The following MTHFD1L variants were observed in gnomAD, a reference collection of about 807,000 sequenced individuals.
MTHFD1L encodes monofunctional C1-tetrahydrofolate synthase, mitochondrial.
Under a neutral mutation model 119.5 loss-of-function variants are expected in MTHFD1L, and 81 were observed. The observed-to-expected ratio is 0.68, with a 90% CI of 0.57 to 0.82. The LOEUF (loss-of-function observed/expected upper bound fraction) is 0.82. Among genes scored for constraint, MTHFD1L ranks in the 40% least tolerant of loss-of-function variants. The probability of loss-of-function intolerance (pLI) is 0.00; values close to 1 mark genes in which losing one functional copy is unlikely to be tolerated. For synonymous variants in MTHFD1L, 430 were observed against 475.2 expected (o/e 0.90, Z 1.24); for missense variants, 1,125 against 1,253.4 (o/e 0.90, Z 1.55).
intron 9 of MTHFD1L, among the ~76,000 whole-genome samples, chr6:150,919,832 T>C (rs1583557852): frequency 6.6e-6 from 1 of 152,310 alleles, no homozygotes; most frequent in Non-Finnish European, 1.5e-5. Context: ...CATTTCAAGA[T>C]GGGATTTGGG....
At chr6:151,006,772 C>T (rs947271002) in intron 20 of MTHFD1L, among the ~76,000 whole-genome samples, 19 of 151,964 alleles carry the variant, frequency 1.3e-4, no homozygotes, top group Admixed American at 1.2e-3. Context: ...ACACATGGTC[C>T]GTATCATCAT....
In MTHFD1L at chr6:150,984,281, C is replaced by T. The variant is rs547553034; in HGVS notation, c.2125+12223C>T. Among the ~76,000 whole-genome samples, 12 of 152,202 alleles carry T rather than the reference C, an allele frequency of 7.9e-5. No homozygotes were observed. The East Asian group carries it at 1.7e-3, about 22-fold the overall frequency. On this transcript the variant is annotated intron_variant, in intron 20 of 27. Transcript: ENST00000367321. ...GACATAAGGAGAGAGGAACCTTCGCCTGTCAGGATAATAGAAATTGAAAGA... is the reference window on the plus strand; with the variant it reads ...GACATAAGGAGAGAGGAACCTTCGCTTGTCAGGATAATAGAAATTGAAAGA...
At chr6:150,967,256 T>C (rs1478192784) in intron 19 of MTHFD1L, among the ~76,000 whole-genome samples, 1 of 152,200 alleles carries the variant, frequency 6.6e-6, no homozygotes, top group African/African-American at 2.4e-5. Context: ...TTTGTTGCTG[T>C]GCCCTCCTCA....
chr6:150,961,314 G>A (rs559538723), intron 18 of MTHFD1L, among the ~76,000 whole-genome samples: 4 of 151,980 alleles, frequency 2.6e-5, no homozygotes, highest in Non-Finnish European at 5.9e-5. Flanking sequence ...GGCTGGTCTC[G>A]AACTCCTGAC....
chr6:151,001,839 T>G (rs1434417581), intron 20 of MTHFD1L, among the ~76,000 whole-genome samples: 2 of 152,196 alleles, frequency 1.3e-5, no homozygotes, highest in African/African-American at 4.8e-5. Context: ...TCATCACTGT[T>G]GACACATGGA....
intron 17 of MTHFD1L, 73 bp downstream of exon 17, chr6:150,956,144 T>C (rs1430985385): frequency 2.7e-6 from 4 of 1,461,954 alleles, no homozygotes; most frequent in Non-Finnish European, 2.9e-6. Context: ...GCTCACTCTT[T>C]GCCTTTCTTG....
In MTHFD1L at chr6:150,953,368, G is replaced by A. The variant is rs529291489; in HGVS notation, c.1727-2627G>A. Among the ~76,000 whole-genome samples, 57 of 152,190 alleles carry A rather than the reference G, an allele frequency of 3.7e-4. 1 individual carries two copies. The highest frequency in any genetic ancestry group is 1.1e-3 in the African/African-American group (45 of 41,524). ...AAAAATAAGCAAACAGATCTCCCCC[G>A]GCTGCCTCCACCCCCACACCCACTG... On this transcript the variant is annotated intron_variant, in intron 16 of 27. Transcript: ENST00000367321.
At chr6:150,952,519 A>C (rs1795003805) in intron 16 of MTHFD1L, among the ~76,000 whole-genome samples, 1 of 152,224 alleles carries the variant, frequency 6.6e-6, no homozygotes, top group South Asian at 2.1e-4. Flanking sequence ...GCCTGTGTAC[A>C]AAATCTGATG....
At chr6:151,005,155 T>G (rs537998467) in intron 20 of MTHFD1L, among the ~76,000 whole-genome samples, 12 of 152,124 alleles carry the variant, frequency 7.9e-5, no homozygotes, top group Non-Finnish European at 1.8e-4. Flanking sequence ...AAGAAGTACC[T>G]AGGAAATGGA....
intron 20 of MTHFD1L, among the ~76,000 whole-genome samples, chr6:151,009,058 G>T (rs966287329): frequency 6.7e-6 from 1 of 149,830 alleles, no homozygotes; most frequent in African/African-American, 2.5e-5. Context: ...GGAGGCGGAG[G>T]TTGCAGTGAG....
At chr6:151,056,674 A>C (rs1362042383) in intron 26 of MTHFD1L, among the ~76,000 whole-genome samples, 2 of 152,144 alleles carry the variant, frequency 1.3e-5, no homozygotes, top group Non-Finnish European at 2.9e-5. Flanking sequence ...ACGCAACAGC[A>C]GGGCCCTGTT....
At chr6:150,877,196 G>A (rs532384184) in intron 2 of MTHFD1L, among the ~76,000 whole-genome samples, 1 of 152,252 alleles carries the variant, frequency 6.6e-6, no homozygotes, top group Non-Finnish European at 1.5e-5. Context: ...AGGACTGCAG[G>A]CATGCACCAT....
intron 20 of MTHFD1L, among the ~76,000 whole-genome samples, chr6:150,990,193 C>T (rs371481082): frequency 9.3e-4 from 141 of 151,832 alleles, no homozygotes; most frequent in Non-Finnish European, 1.3e-3. Flanking sequence ...GCAGGAGAAT[C>T]GCTTGAACCA....
intron 8 of MTHFD1L, among the ~76,000 whole-genome samples, chr6:150,918,164 C>A (rs1788298896): frequency 6.7e-6 from 1 of 149,112 alleles, no homozygotes; most frequent in South Asian, 2.2e-4. Flanking sequence ...CTTCCAGCTT[C>A]AAGCGATTCT....
chr6:150,938,604 C>T, intron 12 of MTHFD1L, 95 bp from the exon 13 acceptor site: 4 of 1,325,276 alleles, frequency 3.0e-6, no homozygotes, highest in Non-Finnish European at 4.3e-6. Context: ...TGACGCCTCT[C>T]TGTTGGGTTT....
At chr6:151,003,692 A>G (rs1218074133) in intron 20 of MTHFD1L, among the ~76,000 whole-genome samples, 1 of 152,222 alleles carries the variant, frequency 6.6e-6, no homozygotes, top group Non-Finnish European at 1.5e-5. Context: ...TAGGCAAGAC[A>G]CTAGGCACAA....
At position 150,960,257 on chromosome 6, in the gene MTHFD1L, G is replaced by A; in HGVS notation, c.1804-18G>A. On this transcript the variant is annotated intron_variant, in intron 17 of 27. Transcript: ENST00000367321. ...CTGGCACTGTCGCTGACCACTACCTGTGTTTGGGCTGGTTCAGGCGCAGTT... is the reference window on the plus strand; with the variant it reads ...CTGGCACTGTCGCTGACCACTACCTATGTTTGGGCTGGTTCAGGCGCAGTT... The A allele has an allele frequency of 6.2e-7, 1 of 1,606,528 alleles. No individual in the cohort carries two copies. Among genetic ancestry groups the A allele is most frequent in the Middle Eastern group, 1.8e-4 (1 of 5,414 alleles).
intron 20 of MTHFD1L, among the ~76,000 whole-genome samples, chr6:151,007,153 C>G (rs1781521869): frequency 6.6e-6 from 1 of 151,898 alleles, no homozygotes; most frequent in South Asian, 2.1e-4. Context: ...CCTGCCATAC[C>G]CAACTCCACA....
intron 26 of MTHFD1L, among the ~76,000 whole-genome samples, chr6:151,085,751 A>T (rs1171595999): frequency 6.9e-6 from 1 of 144,318 alleles, no homozygotes; most frequent in Non-Finnish European, 1.5e-5. Flanking sequence ...AGCCTGGGCG[A>T]CAGAGCGAGA....
Sources: gnomAD v4.1 joint callset for allele counts (sites outside exome capture counted in the v4.1 genomes callset) on GRCh38, gnomAD v4.1.1 for gene constraint, MANE v1.5 for transcripts, NCBI Gene and HGNC (gene_info 2026-07-23, HGNC 2026-07-21) for gene names.